The following CPNE4 variants were observed in gnomAD, a reference collection of about 807,000 sequenced individuals.
CPNE4 encodes the protein copine 4, also known as copine-4.
A neutral mutation model predicts 67.9 loss-of-function variants in CPNE4; 25 were observed. The ratio of observed to expected loss-of-function variants is 0.37; its 90% CI spans 0.27 to 0.51. The LOEUF (loss-of-function observed/expected upper bound fraction) is 0.51, where lower values mean the gene tolerates loss of function less well. Among genes scored for constraint, CPNE4 ranks in the 20% least tolerant of loss-of-function variants. The pLI, the probability that CPNE4 is intolerant of heterozygous loss-of-function variation, is 0.93. For missense variants in CPNE4, 464 were observed against 690.8 expected (o/e 0.67, Z 3.68); for synonymous variants, 242 against 244.9 (o/e 0.99, Z 0.11).
chr3:131,895,534 T>C (rs1407122777), intron 2 of CPNE4, among the ~76,000 whole-genome samples: 1 of 147,304 alleles, frequency 6.8e-6, no homozygotes, highest in African/African-American at 2.5e-5. Flanking sequence ...TTTACATTAA[T>C]TTTTCATCTT....
At chr3:132,001,397 G>T (rs2073427570) in intron 1 of CPNE4, among the ~76,000 whole-genome samples, 2 of 151,754 alleles carry the variant, frequency 1.3e-5, no homozygotes, top group Non-Finnish European at 2.9e-5. Context: ...ATCAATATAT[G>T]ACAAATGAAA....
chr3:131,725,220 C>T (rs2081974778), intron 2 of CPNE4, among the ~76,000 whole-genome samples: 1 of 152,218 alleles, frequency 6.6e-6, no homozygotes. Context: ...GATATTTGTT[C>T]TAGCCACCCC....
chr3:131,925,157 TTC>T (rs35525721), intron 1 of CPNE4, among the ~76,000 whole-genome samples: 3,590 of 147,208 alleles, frequency 0.024, 126 homozygotes, highest in African/African-American at 0.082. Context: ...TGTTCTCATA[TTC>T]TCTCTCTCTC....
At chr3:131,699,239 G>A (rs1430722872) in intron 4 of CPNE4, among the ~76,000 whole-genome samples, 1 of 152,176 alleles carries the variant, frequency 6.6e-6, no homozygotes, top group African/African-American at 2.4e-5. Flanking sequence ...TGCAATTATA[G>A]AAATGTTTTA....
At chr3:132,038,442 T>C (rs1416923836), upstream of CPNE4, among the ~76,000 whole-genome samples, 1 of 152,216 alleles carries the variant, frequency 6.6e-6, no homozygotes, top group African/African-American at 2.4e-5. Flanking sequence ...ATAGGTGGCA[T>C]CAAAATCTCT....
chr3:131,952,920 T>A (rs1403682161), intron 1 of CPNE4, among the ~76,000 whole-genome samples: 2 of 152,124 alleles, frequency 1.3e-5, no homozygotes, highest in Non-Finnish European at 2.9e-5. Flanking sequence ...TGCCTTGGGA[T>A]CCTGTTGATC....
At position 131,774,924 on chromosome 3, in the gene CPNE4, C is replaced by T. The variant is rs139775204; in HGVS notation, c.181-51299G>A. ...AGCAGTTTCTTTTACTTGTGAGGGC[C>T]TCTCTTAAAATCTTGGCCTAACATT... On this transcript the variant is annotated intron_variant, in intron 2 of 15. Coordinates refer to ENST00000429747, the MANE Select transcript of CPNE4 (RefSeq NM_130808.3). Among the ~76,000 whole-genome samples, 36 of 152,180 alleles carry T rather than the reference C, an allele frequency of 2.4e-4. No homozygotes were observed. The East Asian group carries it at 6.8e-3, about 29-fold the overall frequency.
chr3:131,982,978 G>A (rs1320947935), intron 1 of CPNE4, among the ~76,000 whole-genome samples: 2 of 151,958 alleles, frequency 1.3e-5, no homozygotes, highest in African/African-American at 4.8e-5. Context: ...AAAAAAAGAT[G>A]AGACAATTAT....
chr3:131,702,636 C>T (rs967462489), intron 3 of CPNE4, among the ~76,000 whole-genome samples: 1 of 152,188 alleles, frequency 6.6e-6, no homozygotes, highest in African/African-American at 2.4e-5. Flanking sequence ...CTATAATAGC[C>T]CACTCATTGC....
intron 5 of CPNE4, among the ~76,000 whole-genome samples, chr3:131,688,193 C>T (rs2080942034): frequency 1.3e-5 from 2 of 152,156 alleles, no homozygotes; most frequent in Admixed American, 1.3e-4. Flanking sequence ...TAACTATCTT[C>T]CGCTTTGCTT....
At chr3:131,743,693 C>T (rs528409985) in intron 2 of CPNE4, among the ~76,000 whole-genome samples, 1 of 152,038 alleles carries the variant, frequency 6.6e-6, no homozygotes, top group African/African-American at 2.4e-5. Context: ...AAAAACAATA[C>T]TGTAAAATAG....
At chr3:131,932,836 G>A (rs1244979332) in intron 1 of CPNE4, among the ~76,000 whole-genome samples, 3 of 152,100 alleles carry the variant, frequency 2.0e-5, no homozygotes, top group Admixed American at 2.0e-4. Flanking sequence ...TGGCCAACAT[G>A]GTGAAATACC....
intron 12 of CPNE4, among the ~76,000 whole-genome samples, chr3:131,553,690 C>T (rs985752457): frequency 6.6e-6 from 1 of 152,076 alleles, no homozygotes; most frequent in African/African-American, 2.4e-5. Flanking sequence ...AAACTATTTG[C>T]ATCCAAACCC....
chr3:131,717,667 T>C (rs1234891064), intron 3 of CPNE4, among the ~76,000 whole-genome samples: 2 of 152,168 alleles, frequency 1.3e-5, no homozygotes, highest in African/African-American at 4.8e-5. Flanking sequence ...CCTCACCTCA[T>C]CTCCAAGGCT....
chr3:131,689,323 C>G (rs536945464), intron 5 of CPNE4, among the ~76,000 whole-genome samples: 1 of 152,134 alleles, frequency 6.6e-6, no homozygotes, highest in East Asian at 1.9e-4. Context: ...AAAATGTTAG[C>G]TGCAAAAATC....
rs141406591 is a variant in CPNE4 at position 131,633,437 on chromosome 3, C to T, written c.681+36238G>A. On this transcript the variant is annotated intron_variant, in intron 7 of 15. Coordinates refer to ENST00000429747, the MANE Select transcript of CPNE4 (RefSeq NM_130808.3). ...TCTGGTTAGGACTAGACTAAAGAGC[C>T]GGTCTCAAAAGTCAAAGAAGCATAT... Among the ~76,000 whole-genome samples, 8 of 152,194 alleles carry T rather than the reference C, an allele frequency of 5.3e-5. No individual in the cohort carries two copies. The East Asian group carries it at 7.7e-4, about 15-fold the overall frequency.
At chr3:131,718,323 T>C (rs1178199019) in intron 3 of CPNE4, among the ~76,000 whole-genome samples, 1 of 152,138 alleles carries the variant, frequency 6.6e-6, no homozygotes, top group Admixed American at 6.5e-5. Flanking sequence ...ATCTTGTCCT[T>C]TCCCCAGTTA....
Position 131,755,846 on chromosome 3 carries a change from A to T in CPNE4, c.181-32221T>A, listed in dbSNP as rs529900843. ...TCTGGAAACTCTCAGGGTTGCTAGT[A>T]TTTTGAAGCATTTTCCAGATGCACT... On this transcript the variant is annotated intron_variant, in intron 2 of 15. Transcript: ENST00000429747. 3.9e-5 allele frequency among the ~76,000 whole-genome samples: 6 copies of T among 152,346 alleles called. No individual in the cohort carries two copies. In the East Asian group the frequency reaches 1.2e-3, roughly 29 times the overall value.
chr3:131,934,809 G>A (rs561153645), intron 1 of CPNE4, among the ~76,000 whole-genome samples: 1 of 152,288 alleles, frequency 6.6e-6, no homozygotes, highest in African/African-American at 2.4e-5. Context: ...AATGGGTGAA[G>A]TCTGGAGTAC....
Sources: allele counts gnomAD v4.1 joint callset (sites outside exome capture counted in the v4.1 genomes callset), GRCh38; gene constraint gnomAD v4.1.1; transcripts MANE v1.5; gene names NCBI Gene and HGNC (gene_info 2026-07-23, HGNC 2026-07-21).